The following NARS2 variants were observed in gnomAD, a reference collection of about 807,000 sequenced individuals.
The protein encoded by NARS2 is asparaginyl-tRNA synthetase.
NARS2 carries 60 observed loss-of-function variants against 62.9 expected under a neutral mutation model. That is an observed-to-expected ratio of 0.95 (90% confidence interval 0.77 to 1.18). The LOEUF (loss-of-function observed/expected upper bound fraction) is 1.18. NARS2 is among the 50% of genes most tolerant of loss of function. NARS2 has a pLI of 0.00. For synonymous variants in NARS2, 196 were observed against 200.0 expected (o/e 0.98, Z 0.17); for missense variants, 619 against 576.4 (o/e 1.07, Z -0.76).
intron 11 of NARS2, among the ~76,000 whole-genome samples, chr11:78,451,466 G>A (rs1857970115): frequency 6.6e-6 from 1 of 152,196 alleles, no homozygotes; most frequent in Non-Finnish European, 1.5e-5. Flanking sequence ...ACTTGATTGT[G>A]TGTTTCACAA....
At chr11:78,469,451 C>T in intron 9 of NARS2, 138 bp from the exon 10 acceptor site, 1 of 632,538 alleles carries the variant, frequency 1.6e-6, no homozygotes, top group East Asian at 2.8e-5. Context: ...CTGATCTAAT[C>T]CTATGAAAGA....
chr11:78,555,532 G>A (rs1032502552), intron 5 of NARS2, among the ~76,000 whole-genome samples: 4 of 152,154 alleles, frequency 2.6e-5, no homozygotes, highest in Non-Finnish European at 5.9e-5. Flanking sequence ...GGAGTCAGTA[G>A]TAACATTCCC....
intron 5 of NARS2, among the ~76,000 whole-genome samples, chr11:78,539,713 T>TA (rs1206543961): frequency 6.6e-6 from 1 of 152,174 alleles, no homozygotes; most frequent in Non-Finnish European, 1.5e-5. Flanking sequence ...TTGATGATGA[T>TA]AGTGTTCCCT....
Position 78,455,720 on chromosome 11 carries a change from T to C in NARS2, c.1164+10156A>G, listed in dbSNP as rs189749261. ...CACAAACTCTTCACTCCCAGAAAGATCAGGATTCTAATGAAGCTGCCATAT... is the reference window on the plus strand; with the variant it reads ...CACAAACTCTTCACTCCCAGAAAGACCAGGATTCTAATGAAGCTGCCATAT... On this transcript the variant is annotated intron_variant, in intron 11 of 13. Transcript: ENST00000281038. Among the ~76,000 whole-genome samples the C allele has an allele frequency of 2.5e-3, 382 of 152,180 alleles. 2 individuals are homozygous for C. The highest frequency in any genetic ancestry group is 5.6e-3 in the South Asian group (27 of 4,818).
At chr11:78,455,341 CAACA>C (rs2135176635) in intron 11 of NARS2, among the ~76,000 whole-genome samples, 1 of 152,232 alleles carries the variant, frequency 6.6e-6, no homozygotes, top group African/African-American at 2.4e-5. Flanking sequence ...CTGATTTCCA[CAACA>C]AACCTGTGAT....
chr11:78,549,590 G>C (rs967143193), intron 5 of NARS2, among the ~76,000 whole-genome samples: 3 of 152,200 alleles, frequency 2.0e-5, no homozygotes, highest in Non-Finnish European at 4.4e-5. Flanking sequence ...TTTGGGGTCA[G>C]AACAAACTCA....
chr11:78,557,250 TTC>T (rs1387870325), intron 5 of NARS2, among the ~76,000 whole-genome samples: 1 of 152,186 alleles, frequency 6.6e-6, no homozygotes, highest in Non-Finnish European at 1.5e-5. Context: ...GACACTTCAT[TTC>T]TGTCAGAGAA....
At chr11:78,530,436 G>A (rs1477604990) in intron 5 of NARS2, among the ~76,000 whole-genome samples, 1 of 151,682 alleles carries the variant, frequency 6.6e-6, no homozygotes, top group African/African-American at 2.4e-5. Flanking sequence ...CTCATTTCTT[G>A]TATTTATATA....
chr11:78,508,943 TG>T (rs1860610142), intron 6 of NARS2, among the ~76,000 whole-genome samples: 1 of 151,880 alleles, frequency 6.6e-6, no homozygotes, highest in African/African-American at 2.4e-5. Flanking sequence ...GACGACATCC[TG>T]TTTCTATTAA....
At chr11:78,564,820 T>C (rs901174375) in intron 4 of NARS2, among the ~76,000 whole-genome samples, 18 of 152,370 alleles carry the variant, frequency 1.2e-4, no homozygotes, top group Non-Finnish European at 1.9e-4. Context: ...TGATTTATTT[T>C]CCTTTGTCTT....
At chr11:78,545,092 C>A (rs1453035220) in intron 5 of NARS2, among the ~76,000 whole-genome samples, 1 of 152,090 alleles carries the variant, frequency 6.6e-6, no homozygotes, top group East Asian at 1.9e-4. Context: ...TTCTAGACCA[C>A]AGTATTTACA....
chr11:78,484,662 T>C (rs1436436076), intron 7 of NARS2, among the ~76,000 whole-genome samples: 2 of 152,002 alleles, frequency 1.3e-5, no homozygotes, highest in African/African-American at 4.8e-5. Flanking sequence ...ATTAGAAAAA[T>C]GCAAATAAAA....
At chr11:78,559,257 C>T (rs1042717061) in intron 5 of NARS2, among the ~76,000 whole-genome samples, 11 of 123,084 alleles carry the variant, frequency 8.9e-5, no homozygotes, top group Non-Finnish European at 1.3e-4. Context: ...GAGTCGAGAT[C>T]ACACCACTGC....
intron 4 of NARS2, among the ~76,000 whole-genome samples, chr11:78,565,342 C>T (rs1398682228): frequency 5.9e-5 from 9 of 152,100 alleles, no homozygotes; most frequent in Admixed American, 5.9e-4. Context: ...AAAACAACAA[C>T]AAAAACAGTA....
chr11:78,461,937 A>G (rs544388407), intron 11 of NARS2, among the ~76,000 whole-genome samples: 5 of 152,326 alleles, frequency 3.3e-5, no homozygotes, highest in Admixed American at 3.3e-4. Flanking sequence ...TGGAAGACAG[A>G]GCAAGATTCC....
Position 78,478,438 on chromosome 11 carries a change from A to T in NARS2, c.959T>A (p.Ile320Asn), listed in dbSNP as rs1383414462. The change falls in exon 9 of 14, where the codon ATC becomes AAC. Residue 320 changes from isoleucine (I) to asparagine (N), a missense_variant and splice_region_variant. Physicochemically the swap from Ile to Asn is moderately radical, Grantham distance 149 (BLOSUM62 -3). Transcript: ENST00000281038. ...LEHMLKNNFLIISYTEAVEIL... is the reference protein window; with the variant it reads ...LEHMLKNNFLNISYTEAVEIL... ...TTCAAAAAGTATAACATCTACTTAC[A>T]TTAAAAAGTTGTTTTTTAGCATATG... is the stretch of plus-strand genomic sequence containing the variant. 13 of 1,055,610 alleles carry T rather than the reference A, an allele frequency of 1.2e-5. No individual in the cohort carries two copies. The highest frequency in any genetic ancestry group is 9.4e-6 in the Non-Finnish European group (7 of 744,312). 65.4% of individuals were successfully genotyped at this position (1,055,610 alleles called of 1,614,324 possible).
chr11:78,529,047 G>A (rs1410405163), intron 5 of NARS2, 111 bp from the exon 6 acceptor site: 2 of 711,962 alleles, frequency 2.8e-6, no homozygotes, highest in African/African-American at 3.6e-5. Context: ...TCTATGTGAA[G>A]GCAGGTTGTT....
At chr11:78,480,016 A>G (rs533930083) in intron 7 of NARS2, among the ~76,000 whole-genome samples, 2 of 152,294 alleles carry the variant, frequency 1.3e-5, no homozygotes, top group Admixed American at 1.3e-4. Flanking sequence ...CTCCTGCCTC[A>G]GCCAACTGAG....
At chr11:78,508,189 C>A (rs1860575763) in intron 6 of NARS2, among the ~76,000 whole-genome samples, 1 of 151,850 alleles carries the variant, frequency 6.6e-6, no homozygotes, top group Admixed American at 6.6e-5. Context: ...ATTATGGAGT[C>A]TGGGAACAGA....
Sources: gnomAD v4.1 joint callset for allele counts (sites outside exome capture counted in the v4.1 genomes callset) on GRCh38, gnomAD v4.1.1 for gene constraint, MANE v1.5 for transcripts, NCBI Gene and HGNC (gene_info 2026-07-23, HGNC 2026-07-21) for gene names.